The following HIGD1C variants were observed in gnomAD, a reference collection of about 807,000 sequenced individuals.
HIGD1C encodes HIG1 hypoxia inducible domain family member 1C, also known as HIG1 domain family member 1C.
In HIGD1C, 11 loss-of-function variants were observed where a neutral mutation model predicts 13.1. That is an observed-to-expected ratio of 0.84 (90% confidence interval 0.53 to 1.39). The LOEUF is 1.39. Among genes scored for constraint, HIGD1C ranks in the 40% most tolerant of loss-of-function variants. HIGD1C has a pLI of 0.00. For missense variants in HIGD1C, 110 were observed against 112.0 expected (o/e 0.98, Z 0.08); for synonymous variants, 36 against 37.7 (o/e 0.95, Z 0.17).
intron 2 of HIGD1C, among the ~76,000 whole-genome samples, chr12:50,966,003 C>T (rs1939528522): frequency 6.6e-6 from 1 of 152,086 alleles, no homozygotes; most frequent in Admixed American, 6.6e-5. Flanking sequence ...CTGCTTCTGC[C>T]CATAAGTTTC....
At chr12:50,959,291 G>A (rs550690397) in intron 1 of HIGD1C, among the ~76,000 whole-genome samples, 60 of 151,548 alleles carry the variant, frequency 4.0e-4, no homozygotes, top group African/African-American at 1.4e-3. Context: ...GGCTAATTTT[G>A]TATTTTTAGT....
chr12:50,952,243 A>G (rs902537982), upstream of HIGD1C, among the ~76,000 whole-genome samples: 1 of 152,164 alleles, frequency 6.6e-6, no homozygotes, highest in Non-Finnish European at 1.5e-5. Context: ...AAGAAAAGGC[A>G]TAAGTCTGCT....
chr12:50,968,871 G>T (rs1592272327), intron 2 of HIGD1C, among the ~76,000 whole-genome samples: 1 of 151,118 alleles, frequency 6.6e-6, no homozygotes, highest in East Asian at 2.0e-4. Flanking sequence ...GTAGAAATGG[G>T]TCTCGCTATT....
the HIGD1C span, among the ~76,000 whole-genome samples, chr12:50,945,091 A>G: frequency 6.6e-6 from 1 of 152,186 alleles, no homozygotes; most frequent in Non-Finnish European, 1.5e-5. Flanking sequence ...TCTCAAAATA[A>G]TAAGAGCTAT....
the HIGD1C span, among the ~76,000 whole-genome samples, chr12:50,946,961 T>C: frequency 5.3e-5 from 8 of 152,298 alleles, no homozygotes; most frequent in African/African-American, 1.9e-4. Flanking sequence ...ATGTCTGATC[T>C]GTGTAATATC....
intron 1 of HIGD1C, among the ~76,000 whole-genome samples, chr12:50,958,607 A>G (rs1488344886): frequency 6.6e-6 from 1 of 152,072 alleles, no homozygotes; most frequent in Non-Finnish European, 1.5e-5. Context: ...AAAACAAGAT[A>G]AAAGTGGAAA....
chr12:50,942,762 G>A, the HIGD1C span, among the ~76,000 whole-genome samples: 1 of 152,132 alleles, frequency 6.6e-6, no homozygotes, highest in South Asian at 2.1e-4. Flanking sequence ...TACTCAGGAG[G>A]CTGAGGTGGG....
chr12:50,950,508 G>A (rs77773219), upstream of HIGD1C, among the ~76,000 whole-genome samples: 1 of 151,758 alleles, frequency 6.6e-6, no homozygotes, highest in African/African-American at 2.4e-5. Context: ...ACTAATAAAT[G>A]GTTGTTTGTT....
chr12:50,961,170 C>A, intron 2 of HIGD1C, 68 bp downstream of exon 4: 1 of 1,482,966 alleles, frequency 6.7e-7, no homozygotes, highest in South Asian at 1.2e-5. Context: ...TTTATTCATT[C>A]ATAGTAGAAG....
At chr12:50,931,782 C>G in the HIGD1C span, 2 of 149,012 alleles carry the variant, frequency 1.3e-5, no homozygotes, top group African/African-American at 4.9e-5. Context: ...CTAGGCCGGT[C>G]TTGAACTCCT....
the HIGD1C span, among the ~76,000 whole-genome samples, chr12:50,945,793 A>G: frequency 1.8e-3 from 268 of 152,334 alleles, 4 homozygotes; most frequent in African/African-American, 6.0e-3. Context: ...AGCCAAAAGA[A>G]CAAAGCTGGA....
At chr12:50,944,476 C>T in the HIGD1C span, among the ~76,000 whole-genome samples, 3 of 152,132 alleles carry the variant, frequency 2.0e-5, no homozygotes, top group African/African-American at 7.2e-5. Flanking sequence ...GGCAACATGT[C>T]TCAAAAAGGG....
At chr12:50,938,676 TTTG>T in the HIGD1C span, among the ~76,000 whole-genome samples, 1 of 152,342 alleles carries the variant, frequency 6.6e-6, no homozygotes, top group Admixed American at 6.5e-5. Context: ...ATACCTCTCA[TTTG>T]TCCCTTCCAC....
intron 1 of HIGD1C, among the ~76,000 whole-genome samples, chr12:50,956,311 G>C (rs536038282): frequency 6.6e-6 from 1 of 152,166 alleles, no homozygotes; most frequent in Non-Finnish European, 1.5e-5. Context: ...AGAATCACTT[G>C]AACTCAGGAA....
At chr12:50,939,432 G>A in the HIGD1C span, among the ~76,000 whole-genome samples, 1 of 152,208 alleles carries the variant, frequency 6.6e-6, no homozygotes, top group African/African-American at 2.4e-5. Flanking sequence ...AGAGGCATGA[G>A]CCACTGCACC....
chr12:50,967,230 C>T (rs1410604104), intron 2 of HIGD1C, among the ~76,000 whole-genome samples: 3 of 152,108 alleles, frequency 2.0e-5, no homozygotes, highest in Non-Finnish European at 4.4e-5. Flanking sequence ...ATCCTCCTGC[C>T]TCTTCTGGGC....
chr12:50,959,470 TTTG>T (rs1939240937), intron 1 of HIGD1C, among the ~76,000 whole-genome samples: 1 of 152,204 alleles, frequency 6.6e-6, no homozygotes, highest in Admixed American at 6.5e-5. Flanking sequence ...TTCTTCAGTT[TTTG>T]TTGTTGTATT....
the HIGD1C span, among the ~76,000 whole-genome samples, chr12:50,948,194 T>C: frequency 1.3e-5 from 2 of 152,238 alleles, no homozygotes; most frequent in East Asian, 3.8e-4. Flanking sequence ...TTGATGACTC[T>C]AAGCATATCT....
the HIGD1C span, among the ~76,000 whole-genome samples, chr12:50,943,269 T>C: frequency 1.3e-5 from 2 of 152,160 alleles, no homozygotes; most frequent in African/African-American, 4.8e-5. Context: ...CATGCCTGGT[T>C]CTATACATGA....
Sources: allele counts gnomAD v4.1 joint callset (sites outside exome capture counted in the v4.1 genomes callset), GRCh38; gene constraint gnomAD v4.1.1; transcripts MANE v1.5; gene names NCBI Gene and HGNC (gene_info 2026-07-23, HGNC 2026-07-21).